Variants in NME7 observed in about 807,000 individuals in gnomAD.
NME7 encodes the protein nucleoside diphosphate kinase 7.
Under a neutral mutation model 49.1 loss-of-function variants are expected in NME7, and 41 were observed. The ratio of observed to expected loss-of-function variants is 0.83; its 90% CI spans 0.65 to 1.08. NME7 has a LOEUF of 1.08. Among genes scored for constraint, NME7 ranks in the 50% least tolerant of loss-of-function variants. The pLI, the probability that NME7 is intolerant of heterozygous loss-of-function variation, is 0.00. For synonymous variants in NME7, 139 were observed against 150.6 expected (o/e 0.92, Z 0.56); for missense variants, 423 against 463.4 (o/e 0.91, Z 0.80).
chr1:169,360,170 T>C (rs76080606), intron 1 of NME7, among the ~76,000 whole-genome samples: 2,378 of 152,264 alleles, frequency 0.016, 60 homozygotes, highest in African/African-American at 0.054. Flanking sequence ...ATCTGGAATA[T>C]GTAGCTCTGC....
At chr1:169,161,341 T>C (rs949306371) in intron 11 of NME7, among the ~76,000 whole-genome samples, 1 of 152,250 alleles carries the variant, frequency 6.6e-6, no homozygotes, top group African/African-American at 2.4e-5. Flanking sequence ...ACTCTTCTTC[T>C]TTCAAGATAG....
chr1:169,140,778 A>T (rs1330707969), intron 11 of NME7, among the ~76,000 whole-genome samples: 1 of 152,064 alleles, frequency 6.6e-6, no homozygotes, highest in Non-Finnish European at 1.5e-5. Flanking sequence ...TATAAAGACC[A>T]GTTCTCAAGA....
chr1:169,187,923 C>T (rs1430247101), intron 10 of NME7, among the ~76,000 whole-genome samples: 1 of 152,116 alleles, frequency 6.6e-6, no homozygotes, highest in African/African-American at 2.4e-5. Flanking sequence ...TCTTCAGGAG[C>T]TCTTGTAAGG....
intron 10 of NME7, among the ~76,000 whole-genome samples, chr1:169,203,546 A>AC (rs1660602780): frequency 6.6e-6 from 1 of 152,154 alleles, no homozygotes; most frequent in Non-Finnish European, 1.5e-5. Context: ...ATGTATTACA[A>AC]TTAGGCCTTA....
At chr1:169,144,113 AT>A (rs1658685599) in intron 11 of NME7, among the ~76,000 whole-genome samples, 6 of 152,136 alleles carry the variant, frequency 3.9e-5, no homozygotes, top group Non-Finnish European at 7.4e-5. Context: ...AAGCTATGCT[AT>A]ATCAAATTCC....
chr1:169,155,717 C>CT (rs1414871487), intron 11 of NME7, among the ~76,000 whole-genome samples: 1 of 150,738 alleles, frequency 6.6e-6, no homozygotes, highest in African/African-American at 2.4e-5. Context: ...ATTTTAAAAA[C>CT]TTTATCATTG....
intron 7 of NME7, among the ~76,000 whole-genome samples, chr1:169,273,274 T>C (rs1040837090): frequency 2.3e-5 from 3 of 130,444 alleles, no homozygotes; most frequent in African/African-American, 7.7e-5. Flanking sequence ...GTGTTTTCAT[T>C]GTTCAACTCA....
At chr1:169,267,706 G>A (rs1010639384) in intron 7 of NME7, among the ~76,000 whole-genome samples, 1 of 133,098 alleles carries the variant, frequency 7.5e-6, no homozygotes, top group African/African-American at 2.5e-5. Flanking sequence ...CTGGGATAAC[G>A]GGCTAGCTAT....
rs59280361 is a variant in NME7 at position 169,182,174 on chromosome 1, T to TAAAAAAAAA, written c.991-12629_991-12621dup. Among the ~76,000 whole-genome samples, 21 of 134,088 alleles carry TAAAAAAAAA rather than the reference T, an allele frequency of 1.6e-4. 1 individual carries two copies. In the East Asian group the frequency reaches 1.8e-3, roughly 11 times the overall value. 88.0% of individuals were successfully genotyped at this position (134,088 alleles called of 152,430 possible). A position where few individuals can be genotyped will look rare whatever the true frequency, so the allele number is the denominator to read the frequency against. On this transcript the variant is annotated intron_variant, in intron 10 of 11. Coordinates refer to ENST00000367811, the MANE Select transcript of NME7 (RefSeq NM_013330.5). ...TGCATGCCACCACAACTAGCTAATTTAAAAAAAAAAAAAAACAACTCTGTA... is the reference window on the plus strand; with the variant it reads ...TGCATGCCACCACAACTAGCTAATTTAAAAAAAAAAAAAAAAAAAAAAAACAACTCTGTA...
At chr1:169,182,185 A>AAAAAAAC (rs1285733861) in intron 10 of NME7, among the ~76,000 whole-genome samples, 2 of 149,038 alleles carry the variant, frequency 1.3e-5, no homozygotes, top group African/African-American at 4.9e-5. Flanking sequence ...AAAAAAAAAA[A>AAAAAAAC]AAAACAACTC....
intron 3 of NME7, among the ~76,000 whole-genome samples, chr1:169,313,504 T>C (rs1225255201): frequency 2.0e-5 from 3 of 152,146 alleles, no homozygotes; most frequent in Non-Finnish European, 2.9e-5. Flanking sequence ...CTAATGCCTA[T>C]GGGAAAAAGA....
chr1:169,214,257 C>T (rs1660912593), intron 10 of NME7, among the ~76,000 whole-genome samples: 1 of 152,164 alleles, frequency 6.6e-6, no homozygotes, highest in South Asian at 2.1e-4. Flanking sequence ...AAAAAAGTCT[C>T]AATATTGATC....
At chr1:169,238,555 A>AATC (rs1294343613) in intron 7 of NME7, among the ~76,000 whole-genome samples, 1 of 151,416 alleles carries the variant, frequency 6.6e-6, no homozygotes, top group Admixed American at 6.6e-5. Context: ...AGTGACCCTA[A>AATC]ATCACCATGT....
At chr1:169,351,292 CTT>C (rs770557758) in intron 1 of NME7, among the ~76,000 whole-genome samples, 7 of 151,850 alleles carry the variant, frequency 4.6e-5, no homozygotes, top group Non-Finnish European at 2.9e-5. Context: ...AGATCTAAGA[CTT>C]TATGACTTGA....
intron 11 of NME7, among the ~76,000 whole-genome samples, chr1:169,163,327 C>A (rs756942002): frequency 6.6e-6 from 1 of 151,706 alleles, no homozygotes; most frequent in Admixed American, 6.6e-5. Flanking sequence ...GTATGCCATA[C>A]AGCAAAATAA....
At chr1:169,315,946 G>C (rs1456709920) in intron 3 of NME7, among the ~76,000 whole-genome samples, 2 of 151,742 alleles carry the variant, frequency 1.3e-5, no homozygotes, top group Non-Finnish European at 2.9e-5. Context: ...GCAGAAAAGG[G>C]GAATAAAGAA....
intron 10 of NME7, among the ~76,000 whole-genome samples, chr1:169,213,369 TAAA>T: frequency 6.7e-6 from 1 of 149,666 alleles, no homozygotes; most frequent in Non-Finnish European, 1.5e-5. Flanking sequence ...TGCACAGGAG[TAAA>T]AAAAAAAATC....
At chr1:169,297,595 T>A (rs1650762030) in intron 6 of NME7, among the ~76,000 whole-genome samples, 1 of 152,044 alleles carries the variant, frequency 6.6e-6, no homozygotes, top group Non-Finnish European at 1.5e-5. Flanking sequence ...TAGAGATTGA[T>A]CAAAGATACA....
At chr1:169,247,044 T>G (rs755508940) in intron 7 of NME7, 7 of 456,240 alleles carry the variant, frequency 1.5e-5, no homozygotes, top group South Asian at 1.1e-4. Context: ...GAAAGAGTAG[T>G]CAGGGGTTCC....
Sources: gnomAD v4.1 joint callset for allele counts (sites outside exome capture counted in the v4.1 genomes callset) on GRCh38, gnomAD v4.1.1 for gene constraint, MANE v1.5 for transcripts, NCBI Gene and HGNC (gene_info 2026-07-23, HGNC 2026-07-21) for gene names.